PRKN: variants seen among roughly 807,000 people sequenced by gnomAD.
PRKN encodes the protein E3 ubiquitin-protein ligase parkin.
PRKN carries 56 observed loss-of-function variants against 59.5 expected under a neutral mutation model. The ratio of observed to expected loss-of-function variants is 0.94; its 90% CI spans 0.76 to 1.18. The LOEUF (loss-of-function observed/expected upper bound fraction) is 1.18. PRKN is among the 50% of genes most tolerant of loss of function. The pLI is 0.00. For missense variants in PRKN, 657 were observed against 596.4 expected (o/e 1.10, Z -1.06); for synonymous variants, 250 against 222.1 (o/e 1.13, Z -1.12).
At chr6:161,926,913 T>TATTTGCCTAGAGAAATAA (rs1778989396) in intron 6 of PRKN, among the ~76,000 whole-genome samples, 1 of 152,196 alleles carries the variant, frequency 6.6e-6, no homozygotes, top group Non-Finnish European at 1.5e-5. Context: ...ATTCAGCCTT[T>TATTTGCCTAGAGAAATAA]AGAGAAAATC....
intron 3 of PRKN, among the ~76,000 whole-genome samples, chr6:162,244,106 G>T (rs1779103502): frequency 6.6e-6 from 1 of 152,102 alleles, no homozygotes; most frequent in Non-Finnish European, 1.5e-5. Flanking sequence ...GTAAACAACA[G>T]TAACTGCATT....
chr6:162,025,473 C>A (rs1010862873), intron 5 of PRKN, among the ~76,000 whole-genome samples: 1 of 151,526 alleles, frequency 6.6e-6, no homozygotes, highest in African/African-American at 2.4e-5. Context: ...CCAATTCATT[C>A]CATCTTTTTA....
rs11272825 is a variant in PRKN, at chr6:161,445,795, T to TTTCCC, written c.1084-58923_1084-58919dup. ...GGCCGCCAGCAAAGAATACAAGGGGTTTCCCTTCCCTTCCCTTCCCTTCCC... is the reference window on the plus strand; with the variant it reads ...GGCCGCCAGCAAAGAATACAAGGGGTTTCCCTTCCCTTCCCTTCCCTTCCCTTCCC... On this transcript the variant is annotated intron_variant, in intron 9 of 11. Transcript: ENST00000366898. This position sits in a 1 kb window ranked among gnomAD's most constrained non-coding sequence, Gnocchi z 7.7. Among the ~76,000 whole-genome samples, 2,656 of 149,382 alleles carry TTTCCC rather than the reference T, an allele frequency of 0.018. 40 individuals carry two copies. The highest frequency in any genetic ancestry group is 0.036 in the African/African-American group (1,447 of 40,664).
At chr6:161,741,929 G>C (rs558128973) in intron 7 of PRKN, among the ~76,000 whole-genome samples, 3 of 149,548 alleles carry the variant, frequency 2.0e-5, no homozygotes, top group Admixed American at 1.3e-4. Context: ...TAAGTCTCAT[G>C]AGATCTGATG....
rs1785015460 is a variant in PRKN at position 161,362,506 on chromosome 6, C to A, written c.1168-2301G>T. Among the ~76,000 whole-genome samples, 1 of 152,150 alleles carries A rather than the reference C, an allele frequency of 6.6e-6. No homozygotes were observed. Among genetic ancestry groups the A allele is most frequent in the African/African-American group, 2.4e-5 (1 of 41,418 alleles). On this transcript the variant is annotated intron_variant, in intron 10 of 11. Coordinates refer to ENST00000366898, the MANE Select transcript of PRKN (RefSeq NM_004562.3). This position sits in a 1 kb window ranked among gnomAD's most constrained non-coding sequence, Gnocchi z 5.2. ...AGGGTGACGTTCTCAGTGGAGGAAG[C>A]CAGGGCAAAAGCCCGCCCTGAAGAG...
intron 7 of PRKN, among the ~76,000 whole-genome samples, chr6:161,655,341 C>G (rs1450011660): frequency 6.6e-6 from 1 of 151,740 alleles, no homozygotes; most frequent in African/African-American, 2.4e-5. Flanking sequence ...CACCCAGGCT[C>G]TCACCGTCAT....
chr6:162,522,799 G>A (rs1196182989), intron 1 of PRKN, among the ~76,000 whole-genome samples: 31 of 144,420 alleles, frequency 2.1e-4, no homozygotes, highest in Non-Finnish European at 2.1e-4. Flanking sequence ...GAACTGATCA[G>A]AAAAAAAAAA....
intron 2 of PRKN, among the ~76,000 whole-genome samples, chr6:162,332,034 C>T (rs901871386): frequency 6.6e-6 from 1 of 152,074 alleles, no homozygotes; most frequent in Non-Finnish European, 1.5e-5. Context: ...AAATGTCACC[C>T]CTACTCTTCC....
chr6:161,760,035 T>C (rs1333629535), intron 7 of PRKN, among the ~76,000 whole-genome samples: 1 of 148,534 alleles, frequency 6.7e-6, no homozygotes, highest in African/African-American at 2.5e-5. Flanking sequence ...TTTATCTTTC[T>C]TGTCTCTAAA....
Position 161,379,589 on chromosome 6 carries a change from T to A in PRKN, c.1167+7205A>T, listed in dbSNP as rs769160213. ...CTCTGCCAAGTCTCTACCCGGGAAG[T>A]GCCCCCAGCTGAAGAAAGCTGCTTC... On this transcript the variant is annotated intron_variant, in intron 10 of 11. Coordinates refer to ENST00000366898, the MANE Select transcript of PRKN (RefSeq NM_004562.3). The surrounding 1 kb of genome is among the most constrained non-coding windows in gnomAD (Gnocchi z 4.9). Among the ~76,000 whole-genome samples the A allele has an allele frequency of 7.2e-5, 11 of 152,186 alleles. No individual in the cohort carries two copies. The highest frequency in any genetic ancestry group is 4.1e-4 in the South Asian group (2 of 4,836).
intron 6 of PRKN, among the ~76,000 whole-genome samples, chr6:161,850,569 C>T (rs572766135): frequency 0.011 from 988 of 91,516 alleles, 15 homozygotes; most frequent in African/African-American, 0.051. Context: ...AGCGAGACTA[C>T]GTCTCAAAAA....
chr6:161,706,605 T>TA (rs397730234), intron 7 of PRKN, among the ~76,000 whole-genome samples: 1 of 151,952 alleles, frequency 6.6e-6, no homozygotes, highest in African/African-American at 2.4e-5. Flanking sequence ...ACTTTTTTTT[T>TA]ACAGTCTCTC....
intron 2 of PRKN, among the ~76,000 whole-genome samples, chr6:162,368,147 C>T (rs763575007): frequency 1.3e-5 from 2 of 152,120 alleles, no homozygotes; most frequent in African/African-American, 2.4e-5. Context: ...CCAAGCATTG[C>T]GGAGCAGCAC....
At chr6:162,314,770 C>T (rs1782674246) in intron 2 of PRKN, among the ~76,000 whole-genome samples, 1 of 152,158 alleles carries the variant, frequency 6.6e-6, no homozygotes, top group South Asian at 2.1e-4. Context: ...CTATTCCAGA[C>T]TATACCTCCT....
chr6:161,540,731 A>G (rs1779587142), intron 9 of PRKN, among the ~76,000 whole-genome samples: 1 of 152,224 alleles, frequency 6.6e-6, no homozygotes, highest in Non-Finnish European at 1.5e-5. Context: ...TGCTCTACAG[A>G]GTTTAGGAAA....
chr6:162,719,094 T>C (rs1406820546), intron 1 of PRKN, among the ~76,000 whole-genome samples: 1 of 152,166 alleles, frequency 6.6e-6, no homozygotes, highest in Non-Finnish European at 1.5e-5. Context: ...CCACAACAGA[T>C]CTCTACGAAA....
intron 2 of PRKN, among the ~76,000 whole-genome samples, chr6:162,375,954 C>T (rs980371688): frequency 6.6e-6 from 1 of 152,092 alleles, no homozygotes; most frequent in Admixed American, 6.6e-5. Flanking sequence ...GGAATGTGTA[C>T]ACACTCTTCA....
chr6:161,670,233 A>G (rs150146062), intron 7 of PRKN, among the ~76,000 whole-genome samples: 1,761 of 152,052 alleles, frequency 0.012, 12 homozygotes, highest in Middle Eastern at 0.024. Flanking sequence ...ACTTTAGGAG[A>G]GGAGGTAGGA....
chr6:162,499,415 T>G (rs141227976), intron 1 of PRKN, among the ~76,000 whole-genome samples: 1 of 152,276 alleles, frequency 6.6e-6, no homozygotes, highest in Non-Finnish European at 1.5e-5. Context: ...ATCTGTTTCT[T>G]TATCTCTCTT....
Sources: allele counts gnomAD v4.1 joint callset (sites outside exome capture counted in the v4.1 genomes callset), GRCh38; gene constraint gnomAD v4.1.1; non-coding constraint Gnocchi (gnomAD v3.1); transcripts MANE v1.5; gene names NCBI Gene and HGNC (gene_info 2026-07-23, HGNC 2026-07-21).